The following CYTH4 variants were observed in gnomAD, a reference collection of about 807,000 sequenced individuals.
CYTH4 encodes the protein cytohesin-4.
In CYTH4, 22 loss-of-function variants were observed where a neutral mutation model predicts 57.5. The ratio of observed to expected loss-of-function variants is 0.38; its 90% confidence interval spans 0.27 to 0.55. CYTH4 has a LOEUF of 0.55. Among genes scored for constraint, CYTH4 ranks in the 20% least tolerant of loss-of-function variants. The pLI is 0.74. For synonymous variants in CYTH4, 186 were observed against 206.5 expected (o/e 0.90, Z 0.85); for missense variants, 420 against 535.6 (o/e 0.78, Z 2.13).
At chr22:37,283,630 C>T (rs1041894) in intron 1 of CYTH4, among the ~76,000 whole-genome samples, 50,306 of 151,502 alleles carry the variant, frequency 0.33, 8,962 homozygotes, top group African/African-American at 0.47. Context: ...TTTCAACAGC[C>T]CCCCCAGTGG....
chr22:37,306,638 A>G (rs1929407598), intron 8 of CYTH4, among the ~76,000 whole-genome samples: 2 of 152,374 alleles, frequency 1.3e-5, no homozygotes, highest in South Asian at 2.1e-4. Context: ...TGAAAAGATC[A>G]GAGATCGATC....
chr22:37,309,235 T>C lies in CYTH4; in HGVS notation c.720T>C (p.Ser240=). ...QLRNLFDSIK[S]EPFSIPEDDG... is the part of the protein sequence containing the mutation. ...AGAACCTCTTCGACAGCATCAAGAGTGAGCCATTCTCCATCCCTGAGGACG... is the reference window on the plus strand; with the variant it reads ...AGAACCTCTTCGACAGCATCAAGAGCGAGCCATTCTCCATCCCTGAGGACG... Residue 240 remains serine (S), a synonymous_variant, in exon 9 of 13, where the codon AGT becomes AGC. Coordinates refer to ENST00000248901, the MANE Select transcript of CYTH4 (RefSeq NM_013385.5). 2.5e-6 allele frequency: 4 copies of C among 1,613,940 alleles called. No individual in the cohort carries two copies. Among genetic ancestry groups the C allele is most frequent in the Non-Finnish European group, 3.4e-6 (4 of 1,179,906 alleles).
intron 1 of CYTH4, among the ~76,000 whole-genome samples, chr22:37,288,058 C>T (rs570680215): frequency 6.6e-6 from 1 of 152,240 alleles, no homozygotes; most frequent in East Asian, 1.9e-4. Flanking sequence ...GCAGGTGGAT[C>T]ACCTGAGGTC....
rs942665681 is a variant in CYTH4, at chr22:37,301,133, C to A, written c.547+114C>A. On this transcript the variant is annotated intron_variant, in intron 7 of 12. Transcript: ENST00000248901. ...GGTACCCAGACCCTGGCAGCCCAGA[C>A]CCCTTCATGAGCCCTCACTGAGCAC... The A allele has an allele frequency of 6.2e-6, 5 of 808,646 alleles. No homozygotes were observed. In the South Asian group the frequency reaches 6.8e-5, roughly 11 times the overall value. 50.1% of individuals were successfully genotyped at this position (808,646 alleles called of 1,614,324 possible).
chr22:37,297,732 G>A (rs1434009295), intron 5 of CYTH4, 50 bp downstream of exon 5: 18 of 1,471,264 alleles, frequency 1.2e-5, no homozygotes, highest in Non-Finnish European at 1.7e-5. Flanking sequence ...GTGTGCAGGT[G>A]TGTACAGGTG....
rs1277180174 is a variant in CYTH4 at position 37,292,691 on chromosome 22, G to A, written c.90G>A (p.Leu30=). 6 of 1,613,648 alleles carry A rather than the reference G, an allele frequency of 3.7e-6. No homozygotes were observed. The highest frequency in any genetic ancestry group is 4.2e-6 in the Non-Finnish European group (5 of 1,179,934). ...QRIKWHRKQL[L]EDIQKLKDEI... Reference sequence around the variant, plus strand: ...TCAAGTGGCACCGAAAGCAGCTCCTGGAGGACATCCAGGTGAGTGCACACT... The same window carrying A: ...TCAAGTGGCACCGAAAGCAGCTCCTAGAGGACATCCAGGTGAGTGCACACT... Residue 30 remains leucine (L), a synonymous_variant, in exon 2 of 13, where the codon CTG becomes CTA. Coordinates refer to ENST00000248901, the MANE Select transcript of CYTH4 (RefSeq NM_013385.5).
Position 37,300,984 on chromosome 22 carries a change from A to T in CYTH4, c.512A>T (p.Tyr171Phe). The T allele has an allele frequency of 6.2e-7, 1 of 1,614,146 alleles. No individual in the cohort carries two copies. ...ATGATGGAGGCCTTTGCCACTCGAT[A>T]CTGCCTCTGCAACCCAGGCGTCTTC... is the stretch of plus-strand genomic sequence containing the variant. ...DRMMEAFATR[Y>F]CLCNPGVFQS... Residue 171 changes from tyrosine to phenylalanine, a missense_variant, in exon 7 of 13, where the codon TAC becomes TTC. Transcript: ENST00000248901.
At chr22:37,300,367 C>T (rs1601704778) in intron 6 of CYTH4, 4 of 647,548 alleles carry the variant, frequency 6.2e-6, no homozygotes, top group Non-Finnish European at 8.4e-6. Flanking sequence ...TTGCTAGGTG[C>T]CCAGGACTGT....
chr22:37,299,372 G>T (rs549759210), intron 6 of CYTH4, 66 bp downstream of exon 6: 1 of 1,368,920 alleles, frequency 7.3e-7, no homozygotes, highest in African/African-American at 1.4e-5. Context: ...TGGGGGTGTC[G>T]CGATCCACAT....
At position 37,311,117 on chromosome 22, in the gene CYTH4, C is replaced by A; in HGVS notation, c.885+53C>A. The A allele has an allele frequency of 6.3e-7, 1 of 1,590,860 alleles. No individual in the cohort carries two copies. Among genetic ancestry groups the A allele is most frequent in the Non-Finnish European group, 8.6e-7 (1 of 1,159,564 alleles). ...CTGCCCCCGCCTCTCCCCGCACAAC[C>A]CACTTCCCAACTCCCACTGAGCAGT... On this transcript the variant is annotated intron_variant, in intron 10 of 12. Transcript: ENST00000248901. The surrounding 1 kb of genome is among the most constrained non-coding windows in gnomAD (Gnocchi z 4.4).
chr22:37,300,867 C>A (rs776604711), intron 6 of CYTH4, 40 bp from the exon 7 acceptor site: 10 of 1,568,160 alleles, frequency 6.4e-6, no homozygotes, highest in Non-Finnish European at 6.1e-6. Flanking sequence ...CCCGCGAGGG[C>A]CCACCCACTC....
chr22:37,308,542 ATGTG>A (rs200504460), intron 8 of CYTH4, among the ~76,000 whole-genome samples: 1,524 of 148,718 alleles, frequency 0.01, 29 homozygotes, highest in African/African-American at 0.036. Flanking sequence ...GAGTGTGTGT[ATGTG>A]TGTAAGTGTG....
intron 1 of CYTH4, among the ~76,000 whole-genome samples, chr22:37,289,694 G>T (rs965309123): frequency 6.6e-6 from 1 of 152,174 alleles, no homozygotes; most frequent in Non-Finnish European, 1.5e-5. Flanking sequence ...TATTGGGCTC[G>T]CTTGACCTTC....
In CYTH4 at chr22:37,298,902, G is replaced by A. The variant is rs1460106365; in HGVS notation, c.354-324G>A. On this transcript the variant is annotated intron_variant, in intron 5 of 12. Transcript: ENST00000248901. The surrounding 1 kb of genome is among the most constrained non-coding windows in gnomAD (Gnocchi z 4.1). ...AAGCTGGGGCTGGGAAGGTCAAGTGGCTTCCGCGAGGTCACCAGGTGGGAA... is the reference window on the plus strand; with the variant it reads ...AAGCTGGGGCTGGGAAGGTCAAGTGACTTCCGCGAGGTCACCAGGTGGGAA... Among the ~76,000 whole-genome samples the A allele has an allele frequency of 6.6e-6, 1 of 152,178 alleles. No individual in the cohort carries two copies. Among genetic ancestry groups the A allele is most frequent in the Non-Finnish European group, 1.5e-5 (1 of 68,014 alleles).
chr22:37,312,939 G>C (rs1038600913), intron 12 of CYTH4, among the ~76,000 whole-genome samples: 1 of 152,234 alleles, frequency 6.6e-6, no homozygotes, highest in Non-Finnish European at 1.5e-5. Flanking sequence ...GCCGTGTCCC[G>C]GGGACTTGCA....
Position 37,295,860 on chromosome 22 carries a change from G to T in CYTH4, c.168-139G>T. On this transcript the variant is annotated intron_variant, in intron 3 of 12. Coordinates refer to ENST00000248901, the MANE Select transcript of CYTH4 (RefSeq NM_013385.5). The surrounding 1 kb of genome is among the most constrained non-coding windows in gnomAD (Gnocchi z 4.1). ...TGCACTGCTCTCTCCCGCCCAGGTG[G>T]TTCCCATGCAGGACCCGGAGGCCAC... 1.2e-6 allele frequency: 1 copy of T among 818,470 alleles called. No homozygotes were observed. The highest frequency in any genetic ancestry group is 1.5e-5 in the South Asian group (1 of 65,136). 50.7% of individuals were successfully genotyped at this position (818,470 alleles called of 1,614,324 possible).
chr22:37,298,413 C>G lies in CYTH4; in HGVS notation c.353+731C>G, dbSNP rs1929054154. On this transcript the variant is annotated intron_variant, in intron 5 of 12. Transcript: ENST00000248901. The surrounding 1 kb of genome is among the most constrained non-coding windows in gnomAD (Gnocchi z 4.1). The stretch of plus-strand genomic sequence containing the variant: ...AGAAAAGAAAACAAAGAAAGAAAGA[C>G]ATGCTGGGGACCATAGGTTGGGGGC... The G allele has an allele frequency of 6.2e-6, 1 of 161,730 alleles. No individual in the cohort carries two copies. The highest frequency in any genetic ancestry group is 1.5e-4 in the South Asian group (1 of 6,842). 10.0% of individuals were successfully genotyped at this position (161,730 alleles called of 1,614,324 possible).
chr22:37,303,458 C>T, intron 8 of CYTH4, 56 bp downstream of exon 8: 2 of 1,566,690 alleles, frequency 1.3e-6, no homozygotes, highest in Middle Eastern at 1.7e-4. Context: ...AGGGACCTGT[C>T]CTTAGATGGA....
chr22:37,301,142 G>C, intron 7 of CYTH4, 123 bp downstream of exon 7: 1 of 729,868 alleles, frequency 1.4e-6, no homozygotes, highest in South Asian at 1.8e-5. Context: ...ACCCCTTCAT[G>C]AGCCCTCACT....
Sources: gnomAD v4.1 joint callset for allele counts (sites outside exome capture counted in the v4.1 genomes callset) on GRCh38, gnomAD v4.1.1 for gene constraint, Gnocchi (gnomAD v3.1) non-coding constraint, MANE v1.5 for transcripts, NCBI Gene and HGNC (gene_info 2026-07-23, HGNC 2026-07-21) for gene names.